Variants in IGF2BP1 observed in about 807,000 individuals in gnomAD.
The protein encoded by IGF2BP1 is insulin-like growth factor 2 mRNA-binding protein 1.
Under a neutral mutation model 74.9 loss-of-function variants are expected in IGF2BP1, and 11 were observed. The observed-to-expected ratio is 0.15, with a 90% CI of 0.09 to 0.24. The LOEUF is 0.24. IGF2BP1 is among the 10% of genes least tolerant of loss of function. The pLI, the probability that IGF2BP1 is intolerant of heterozygous loss-of-function variation, is 1.00. For missense variants in IGF2BP1, 440 were observed against 757.4 expected (o/e 0.58, Z 4.92); for synonymous variants, 287 against 281.8 (o/e 1.02, Z -0.18).
chr17:49,039,815 C>T (rs1427077944), intron 6 of IGF2BP1, 142 bp from the exon 7 acceptor site: 2 of 859,516 alleles, frequency 2.3e-6, no homozygotes, highest in Non-Finnish European at 3.7e-6. Flanking sequence ...TTTCATTGCC[C>T]TTCCCAAAGT....
At chr17:49,001,712 T>G (rs1277027925) in intron 2 of IGF2BP1, among the ~76,000 whole-genome samples, 3 of 152,184 alleles carry the variant, frequency 2.0e-5, no homozygotes, top group Non-Finnish European at 4.4e-5. Flanking sequence ...GTTAACAATT[T>G]GTGCTTTTTT....
intron 6 of IGF2BP1, among the ~76,000 whole-genome samples, chr17:49,039,131 C>T (rs1480224595): frequency 1.3e-5 from 2 of 152,154 alleles, no homozygotes; most frequent in African/African-American, 2.4e-5. Flanking sequence ...CCGCCTCAGC[C>T]TCCCAAAGTG....
At chr17:49,020,803 A>G (rs1397139374) in intron 2 of IGF2BP1, among the ~76,000 whole-genome samples, 1 of 152,056 alleles carries the variant, frequency 6.6e-6, no homozygotes, top group Non-Finnish European at 1.5e-5. Context: ...TATTTGGCAT[A>G]TTGAACATTG....
chr17:49,047,714 CT>C (rs34788963), intron 14 of IGF2BP1, among the ~76,000 whole-genome samples: 25,548 of 137,586 alleles, frequency 0.19, 1,803 homozygotes, highest in South Asian at 0.24. Context: ...TCAACTTCCT[CT>C]TTTTTTTTTT....
At chr17:49,032,285 T>C (rs1423865345) in intron 5 of IGF2BP1, among the ~76,000 whole-genome samples, 1 of 152,176 alleles carries the variant, frequency 6.6e-6, no homozygotes, top group Non-Finnish European at 1.5e-5. Context: ...TGTCCCCTGC[T>C]GATAGGTCTC....
chr17:49,039,111 C>T (rs751750542), intron 6 of IGF2BP1, among the ~76,000 whole-genome samples: 10 of 151,956 alleles, frequency 6.6e-5, no homozygotes, highest in African/African-American at 1.9e-4. Flanking sequence ...CTCCTGACCT[C>T]GTGATCCGGC....
intron 2 of IGF2BP1, among the ~76,000 whole-genome samples, chr17:48,999,528 G>C (rs1019213370): frequency 6.6e-6 from 1 of 151,746 alleles, no homozygotes; most frequent in East Asian, 1.9e-4. Context: ...GACTCATGGC[G>C]ATTTCTGCAA....
rs1180850602 is a variant in IGF2BP1 at position 49,019,925 on chromosome 17, T to TAC, written c.237-5692_237-5691insCA. On this transcript the variant is annotated intron_variant, in intron 2 of 14. Transcript: ENST00000290341. ...TAATTTATATATATATATATATATATATATATATATATATATATATATATT... is the reference window on the plus strand; with the variant it reads ...TAATTTATATATATATATATATATATACATATATATATATATATATATATATT... Among the ~76,000 whole-genome samples, 47 of 60,596 alleles carry TAC rather than the reference T, an allele frequency of 7.8e-4. 1 individual carries two copies. The highest frequency in any genetic ancestry group is 4.1e-3 in the African/African-American group (46 of 11,302). The allele number at this position is 60,596 out of a possible 152,430, so 39.8% of individuals were successfully genotyped here.
chr17:49,045,198 C>A, intron 12 of IGF2BP1, 133 bp downstream of exon 12: 1 of 692,176 alleles, frequency 1.4e-6, no homozygotes, highest in Non-Finnish European at 2.5e-6. Flanking sequence ...GCCTTCCATG[C>A]AGGATAAAGG....
intron 14 of IGF2BP1, among the ~76,000 whole-genome samples, chr17:49,046,668 T>TAA (rs2042111073): frequency 6.7e-6 from 1 of 149,274 alleles, no homozygotes; most frequent in Admixed American, 6.7e-5. Flanking sequence ...TATATGTAAA[T>TAA]ATATATATAT....
chr17:49,046,186 C>A, intron 13 of IGF2BP1, 74 bp from the exon 14 acceptor site: 1 of 1,455,520 alleles, frequency 6.9e-7, no homozygotes, highest in Non-Finnish European at 9.6e-7. Context: ...CCCCACTAGT[C>A]ACCCTGGCTC....
intron 10 of IGF2BP1, among the ~76,000 whole-genome samples, 200 bp from the exon 11 acceptor site, chr17:49,043,766 TC>T (rs1284510968): frequency 1.3e-5 from 2 of 152,140 alleles, no homozygotes; most frequent in Non-Finnish European, 2.9e-5. Context: ...ACAGCACTGT[TC>T]CCTTACTCTC....
At chr17:49,033,016 C>T (rs2041943282) in intron 5 of IGF2BP1, among the ~76,000 whole-genome samples, 1 of 152,120 alleles carries the variant, frequency 6.6e-6, no homozygotes, top group Non-Finnish European at 1.5e-5. Flanking sequence ...GAGGTTTCAC[C>T]ATGTTGCCCA....
intron 4 of IGF2BP1, among the ~76,000 whole-genome samples, chr17:49,031,687 T>TA (rs2041923244): frequency 6.6e-6 from 1 of 151,962 alleles, no homozygotes; most frequent in Admixed American, 6.6e-5. Context: ...TTGTATTTTT[T>TA]AGTAGAGACA....
intron 5 of IGF2BP1, chr17:49,036,660 G>A (rs2041992611): frequency 6.6e-6 from 1 of 152,162 alleles, no homozygotes; most frequent in Non-Finnish European, 1.5e-5. Context: ...TTGAAAAACA[G>A]TGCCTTGGGC....
At chr17:48,996,765 G>C (rs1349334625), upstream of IGF2BP1, among the ~76,000 whole-genome samples, 2 of 152,122 alleles carry the variant, frequency 1.3e-5, no homozygotes, top group African/African-American at 2.4e-5. Context: ...TCTCCACTGG[G>C]ATACCCCGTT....
chr17:49,022,751 CCTCTAAAACTGGG>C, intron 2 of IGF2BP1, among the ~76,000 whole-genome samples: 1 of 152,166 alleles, frequency 6.6e-6, no homozygotes, highest in Non-Finnish European at 1.5e-5. Flanking sequence ...CGAAAGAAAG[CCTCTAAAACTGGG>C]AGTTTGAAGT....
Position 48,997,723 on chromosome 17 carries a change from C to T in IGF2BP1, c.-23C>T, listed in dbSNP as rs776859250. 2.5e-6 allele frequency: 4 copies of T among 1,607,358 alleles called. 1 individual carries two copies. In the South Asian group the frequency reaches 3.3e-5, roughly 13 times the overall value. On this transcript the variant is annotated 5_prime_UTR_variant, in exon 1 of 15. Coordinates refer to ENST00000290341, the MANE Select transcript of IGF2BP1 (RefSeq NM_006546.4). This position sits in a 1 kb window ranked among gnomAD's most constrained non-coding sequence, Gnocchi z 4.8. ...GCTCGTTCGGCCTTGCCCGGGACCG[C>T]GTCCTGCCCCGAGACCGCCACCATG...
At chr17:49,046,750 A>G (rs1281221246) in intron 14 of IGF2BP1, among the ~76,000 whole-genome samples, 2 of 152,046 alleles carry the variant, frequency 1.3e-5, no homozygotes, top group African/African-American at 4.8e-5. Flanking sequence ...TGTTCATGGA[A>G]TAATGATAAC....
Sources: allele counts gnomAD v4.1 joint callset (sites outside exome capture counted in the v4.1 genomes callset), GRCh38; gene constraint gnomAD v4.1.1; non-coding constraint Gnocchi (gnomAD v3.1); transcripts MANE v1.5; gene names NCBI Gene and HGNC (gene_info 2026-07-23, HGNC 2026-07-21).